Variants in BRINP3 observed in about 807,000 individuals in gnomAD.
The protein encoded by BRINP3 is BMP/retinoic acid-inducible neural-specific protein 3.
Under a neutral mutation model 71.0 loss-of-function variants are expected in BRINP3, and 19 were observed. The observed-to-expected ratio is 0.27, with a 90% CI of 0.19 to 0.39. The LOEUF (loss-of-function observed/expected upper bound fraction) is 0.39. Among genes scored for constraint, BRINP3 ranks in the 10% least tolerant of loss-of-function variants. The pLI, the probability that BRINP3 is intolerant of heterozygous loss-of-function variation, is 1.00. For synonymous variants in BRINP3, 380 were observed against 337.7 expected (o/e 1.13, Z -1.37); for missense variants, 959 against 940.8 (o/e 1.02, Z -0.25).
At chr1:190,379,204 A>C (rs1452772160) in intron 2 of BRINP3, among the ~76,000 whole-genome samples, 1 of 152,194 alleles carries the variant, frequency 6.6e-6, no homozygotes, top group Non-Finnish European at 1.5e-5. Flanking sequence ...TGATTTAAAA[A>C]ACAAAACAAA....
Position 190,373,433 on chromosome 1 carries a change from T to C in BRINP3, c.236+81222A>G, listed in dbSNP as rs866476996. Among the ~76,000 whole-genome samples, 816 of 122,038 alleles carry C rather than the reference T, an allele frequency of 6.7e-3. 4 individuals carry two copies. The highest frequency in any genetic ancestry group is 0.024 in the African/African-American group (750 of 31,190). 80.1% of individuals were successfully genotyped at this position (122,038 alleles called of 152,430 possible). ...AGATAATTCCTTAATTATATATATA[T>C]ATGTGTGTGTGTGTGTGTGTGTGTG... On this transcript the variant is annotated intron_variant, in intron 2 of 7. Transcript: ENST00000367462.
chr1:190,111,181 T>G (rs1372257726), intron 7 of BRINP3, among the ~76,000 whole-genome samples: 1 of 18,136 alleles, frequency 5.5e-5, no homozygotes, highest in African/African-American at 5.3e-4. Context: ...CAAGACTCCA[T>G]TAAAAAAAAA....
intron 2 of BRINP3, among the ~76,000 whole-genome samples, chr1:190,385,981 A>G (rs1484788871): frequency 6.7e-6 from 1 of 148,616 alleles, no homozygotes; most frequent in East Asian, 2.0e-4. Context: ...TATCGCAAGA[A>G]CAAAAAACCA....
chr1:190,454,327 A>C (rs899017739), intron 2 of BRINP3, among the ~76,000 whole-genome samples: 1 of 152,186 alleles, frequency 6.6e-6, no homozygotes, highest in Non-Finnish European at 1.5e-5. Flanking sequence ...TAGAAAGGAA[A>C]AGCAATTTTT....
At chr1:190,359,724 T>C (rs1286058301) in intron 2 of BRINP3, among the ~76,000 whole-genome samples, 2 of 152,152 alleles carry the variant, frequency 1.3e-5, no homozygotes, top group African/African-American at 4.8e-5. Flanking sequence ...TTCTCAGATT[T>C]CACCCTATGT....
intron 2 of BRINP3, among the ~76,000 whole-genome samples, chr1:190,327,726 A>G (rs1666708101): frequency 6.6e-6 from 1 of 152,156 alleles, no homozygotes; most frequent in Admixed American, 6.6e-5. Flanking sequence ...CACTGACAGC[A>G]TTAGACAGAT....
At chr1:190,287,543 G>A (rs1460370010) in intron 2 of BRINP3, among the ~76,000 whole-genome samples, 1 of 151,878 alleles carries the variant, frequency 6.6e-6, no homozygotes, top group Non-Finnish European at 1.5e-5. Flanking sequence ...TAAAATACTG[G>A]GGATAAAAGT....
At chr1:190,297,871 G>GA (rs569013409) in intron 2 of BRINP3, among the ~76,000 whole-genome samples, 92 of 146,766 alleles carry the variant, frequency 6.3e-4, no homozygotes, top group South Asian at 1.9e-3. Flanking sequence ...ACAGTAGATT[G>GA]AAAAAAAAAT....
chr1:190,124,003 T>G (rs759696178), intron 7 of BRINP3, among the ~76,000 whole-genome samples: 31 of 152,150 alleles, frequency 2.0e-4, no homozygotes, highest in Non-Finnish European at 5.9e-5. Context: ...CTGAAGTCAT[T>G]TGAAATATCT....
At chr1:190,244,498 C>T (rs1472426364) in intron 4 of BRINP3, among the ~76,000 whole-genome samples, 3 of 151,992 alleles carry the variant, frequency 2.0e-5, no homozygotes, top group Non-Finnish European at 2.9e-5. Context: ...GACAGAGTAA[C>T]TAAAAATGTT....
intron 7 of BRINP3, among the ~76,000 whole-genome samples, chr1:190,160,238 G>GT (rs1032754008): frequency 7.2e-4 from 110 of 151,930 alleles, no homozygotes; most frequent in African/African-American, 2.6e-3. Flanking sequence ...TAGGTTTGTG[G>GT]TTTTCTATAC....
At chr1:190,317,102 A>T (rs1665933663) in intron 2 of BRINP3, among the ~76,000 whole-genome samples, 1 of 139,828 alleles carries the variant, frequency 7.2e-6, no homozygotes, top group African/African-American at 2.7e-5. Flanking sequence ...AACCCAGGAG[A>T]GGGTGGTTTC....
chr1:190,345,789 C>G (rs1298985940), intron 2 of BRINP3, among the ~76,000 whole-genome samples: 2 of 146,042 alleles, frequency 1.4e-5, no homozygotes, highest in East Asian at 2.0e-4. Context: ...AAATAGTAAA[C>G]AGTGGAAAGA....
At chr1:190,387,276 T>G (rs1211417966) in intron 2 of BRINP3, among the ~76,000 whole-genome samples, 3 of 151,946 alleles carry the variant, frequency 2.0e-5, no homozygotes, top group Admixed American at 1.3e-4. Flanking sequence ...TAACAAAAGT[T>G]AGAGGATGGA....
intron 6 of BRINP3, among the ~76,000 whole-genome samples, chr1:190,192,101 T>C (rs1342233181): frequency 1.3e-5 from 2 of 152,164 alleles, no homozygotes; most frequent in African/African-American, 4.8e-5. Flanking sequence ...GTTCCAAAAA[T>C]ACGGGCTCTG....
At chr1:190,218,126 T>C (rs544565586) in intron 6 of BRINP3, among the ~76,000 whole-genome samples, 3 of 151,754 alleles carry the variant, frequency 2.0e-5, no homozygotes, top group Non-Finnish European at 2.9e-5. Context: ...ATATACACCA[T>C]ATAGCCGGGC....
chr1:190,444,642 C>T (rs11577277), intron 2 of BRINP3, among the ~76,000 whole-genome samples: 28,124 of 151,986 alleles, frequency 0.19, 2,714 homozygotes, highest in Middle Eastern at 0.22. Context: ...TCAAGCGATT[C>T]TCCCGCCTCA....
intron 7 of BRINP3, among the ~76,000 whole-genome samples, chr1:190,119,283 T>G (rs1442580227): frequency 6.6e-6 from 1 of 151,840 alleles, no homozygotes; most frequent in African/African-American, 2.4e-5. Flanking sequence ...TTTATTATTA[T>G]TATTATTATT....
intron 7 of BRINP3, among the ~76,000 whole-genome samples, chr1:190,138,759 G>C (rs2102379933): frequency 6.6e-6 from 1 of 152,280 alleles, no homozygotes; most frequent in South Asian, 2.1e-4. Flanking sequence ...AAGGTTGGTA[G>C]AATGGCCATG....
Sources: allele counts gnomAD v4.1 joint callset (sites outside exome capture counted in the v4.1 genomes callset), GRCh38; gene constraint gnomAD v4.1.1; transcripts MANE v1.5; gene names NCBI Gene and HGNC (gene_info 2026-07-23, HGNC 2026-07-21).